Variants in CADM2 observed in about 807,000 individuals in gnomAD.
CADM2 encodes the protein cell adhesion molecule 2, also known as immunoglobulin superfamily member 4D.
In CADM2, 12 loss-of-function variants were observed where a neutral mutation model predicts 49.8. The ratio of observed to expected loss-of-function variants is 0.24; its 90% CI spans 0.15 to 0.39. The LOEUF (loss-of-function observed/expected upper bound fraction) is 0.39, where lower values mean the gene tolerates loss of function less well. Ranked by LOEUF, CADM2 falls within the 10% of genes least tolerant of loss-of-function variation. The pLI is 1.00. For missense variants in CADM2, 378 were observed against 492.3 expected (o/e 0.77, Z 2.20); for synonymous variants, 214 against 175.4 (o/e 1.22, Z -1.74).
At chr3:85,059,860 G>A (rs887302477) in intron 1 of CADM2, among the ~76,000 whole-genome samples, 7 of 152,138 alleles carry the variant, frequency 4.6e-5, no homozygotes, top group African/African-American at 1.4e-4. Context: ...TATAAGCAGC[G>A]TGAACATGGG....
chr3:85,281,954 T>C (rs1039727835), intron 1 of CADM2, among the ~76,000 whole-genome samples: 2 of 152,104 alleles, frequency 1.3e-5, no homozygotes, highest in African/African-American at 4.8e-5. Context: ...TAAAATCTCA[T>C]TATATTGAGA....
chr3:86,014,839 T>A lies in CADM2; in HGVS notation c.971-50766T>A, dbSNP rs374075453. The A allele has an allele frequency of 4.6e-6, 7 of 1,512,870 alleles. No individual in the cohort carries two copies. In the African/African-American group the frequency reaches 8.4e-5, roughly 18 times the overall value. 93.7% of individuals were successfully genotyped at this position (1,512,870 alleles called of 1,614,324 possible). On this transcript the variant is annotated intron_variant, in intron 8 of 9. Transcript: ENST00000383699. ...TCCACCATCTATGAAGCCCTCCACC[T>A]GCCTGACATCAAGTTTTTTCCTAAT...
At chr3:85,243,520 G>T (rs186108556) in intron 1 of CADM2, among the ~76,000 whole-genome samples, 112 of 151,984 alleles carry the variant, frequency 7.4e-4, no homozygotes, top group African/African-American at 2.6e-3. Context: ...CTAATTACTT[G>T]TCTGAAAGTA....
intron 1 of CADM2, among the ~76,000 whole-genome samples, chr3:85,506,893 C>G (rs1474112143): frequency 6.6e-6 from 1 of 151,962 alleles, no homozygotes; most frequent in Non-Finnish European, 1.5e-5. Context: ...CAGTGTTTTG[C>G]CCAACATTTT....
At chr3:85,845,888 C>G (rs1396853114) in intron 3 of CADM2, among the ~76,000 whole-genome samples, 2 of 152,096 alleles carry the variant, frequency 1.3e-5, no homozygotes, top group Admixed American at 6.6e-5. Context: ...GGTGGTGGCT[C>G]TGAGATTTGG....
At chr3:85,240,832 AC>A (rs1397727662) in intron 1 of CADM2, among the ~76,000 whole-genome samples, 4 of 151,434 alleles carry the variant, frequency 2.6e-5, no homozygotes, top group Non-Finnish European at 5.9e-5. Context: ...TTTTTCTTTA[AC>A]TTTTTAAATT....
chr3:85,127,097 A>G (rs957552533), intron 1 of CADM2, among the ~76,000 whole-genome samples: 3 of 152,184 alleles, frequency 2.0e-5, no homozygotes, highest in African/African-American at 4.8e-5. Flanking sequence ...TGAACTGTTA[A>G]CATTTTACCA....
At chr3:85,356,432 T>C (rs1402637618) in intron 1 of CADM2, among the ~76,000 whole-genome samples, 1 of 152,002 alleles carries the variant, frequency 6.6e-6, no homozygotes, top group Non-Finnish European at 1.5e-5. Context: ...GTCAGAGAGG[T>C]TGGAAAGCTA....
At chr3:85,323,825 G>A (rs1430524888) in intron 1 of CADM2, among the ~76,000 whole-genome samples, 5 of 152,120 alleles carry the variant, frequency 3.3e-5, no homozygotes, top group Admixed American at 3.3e-4. Context: ...TTGGTATCTA[G>A]AAAAGTCACA....
chr3:85,070,680 T>C lies in CADM2; in HGVS notation c.61+111012T>C, dbSNP rs72903368. Reference sequence around the variant, plus strand: ...ATTCGTAAGACTAATACTATAAATATGGCATAGTTTAACATTTTTGGAATA... The same window carrying C: ...ATTCGTAAGACTAATACTATAAATACGGCATAGTTTAACATTTTTGGAATA... On this transcript the variant is annotated intron_variant, in intron 1 of 9. Transcript: ENST00000383699. 9.0e-3 allele frequency among the ~76,000 whole-genome samples: 1,374 copies of C among 152,202 alleles called. 23 individuals are homozygous for C. The highest frequency in any genetic ancestry group is 0.03 in the African/African-American group (1,255 of 41,528).
chr3:85,085,762 C>T (rs185985735), intron 1 of CADM2, among the ~76,000 whole-genome samples: 1 of 152,064 alleles, frequency 6.6e-6, no homozygotes, highest in Non-Finnish European at 1.5e-5. Flanking sequence ...ATATATATAA[C>T]GAGTTGACCC....
At chr3:85,129,196 G>C (rs1279897436) in intron 1 of CADM2, among the ~76,000 whole-genome samples, 1 of 151,968 alleles carries the variant, frequency 6.6e-6, no homozygotes, top group Admixed American at 6.6e-5. Context: ...TGGGAAATAG[G>C]GCCTTTCACC....
intron 1 of CADM2, among the ~76,000 whole-genome samples, chr3:85,056,226 A>G (rs1418614211): frequency 6.6e-6 from 1 of 152,100 alleles, no homozygotes; most frequent in East Asian, 1.9e-4. Flanking sequence ...TGTTAAAGAA[A>G]TGCAGTACTA....
intron 1 of CADM2, among the ~76,000 whole-genome samples, chr3:85,164,259 G>C (rs913523923): frequency 2.0e-5 from 3 of 152,044 alleles, no homozygotes; most frequent in African/African-American, 7.2e-5. Flanking sequence ...ATAACTCACA[G>C]ATACTGGCAA....
chr3:85,726,443 T>C (rs1437720444), intron 1 of CADM2, 79 bp from the exon 2 acceptor site: 1 of 1,464,180 alleles, frequency 6.8e-7, no homozygotes, highest in South Asian at 1.1e-5. Flanking sequence ...AGCAATAACA[T>C]CTCTGCTTTC....
chr3:85,077,357 TC>T (rs1276925324), intron 1 of CADM2, among the ~76,000 whole-genome samples: 1 of 152,108 alleles, frequency 6.6e-6, no homozygotes, highest in African/African-American at 2.4e-5. Flanking sequence ...TTATTTTTTT[TC>T]TTATTGTCAT....
intron 1 of CADM2, among the ~76,000 whole-genome samples, chr3:85,560,508 A>G (rs549075755): frequency 3.9e-4 from 59 of 152,342 alleles, no homozygotes; most frequent in Admixed American, 2.9e-3. Context: ...ACGCATGGCC[A>G]TGGGAGTTGG....
intron 1 of CADM2, among the ~76,000 whole-genome samples, chr3:85,565,548 C>A (rs149121794): frequency 6.6e-6 from 1 of 152,030 alleles, no homozygotes; most frequent in Non-Finnish European, 1.5e-5. Context: ...TTATGTAGGC[C>A]AACTTTTCCA....
chr3:86,050,713 C>T (rs184073271), intron 8 of CADM2, among the ~76,000 whole-genome samples: 6 of 152,280 alleles, frequency 3.9e-5, no homozygotes, highest in Admixed American at 1.3e-4. Flanking sequence ...AGGCTTGCAC[C>T]CTCTGAATCA....
Sources: gnomAD v4.1 joint callset for allele counts (sites outside exome capture counted in the v4.1 genomes callset) on GRCh38, gnomAD v4.1.1 for gene constraint, MANE v1.5 for transcripts, NCBI Gene and HGNC (gene_info 2026-07-23, HGNC 2026-07-21) for gene names.